Variants in CDKAL1 observed in about 807,000 individuals in gnomAD.
The protein encoded by CDKAL1 is CDKAL1 threonylcarbamoyladenosine tRNA methylthiotransferase, also known as threonylcarbamoyladenosine tRNA methylthiotransferase.
A neutral mutation model predicts 68.2 loss-of-function variants in CDKAL1; 32 were observed. The observed-to-expected ratio is 0.47, with a 90% CI of 0.35 to 0.63. The LOEUF (loss-of-function observed/expected upper bound fraction) is 0.63. Among genes scored for constraint, CDKAL1 ranks in the 30% least tolerant of loss-of-function variants. The probability of loss-of-function intolerance (pLI) is 0.00; values close to 1 mark genes in which losing one functional copy is unlikely to be tolerated. For synonymous variants in CDKAL1, 234 were observed against 244.3 expected (o/e 0.96, Z 0.39); for missense variants, 606 against 696.7 (o/e 0.87, Z 1.47).
At chr6:20,879,836 G>A (rs1312229077) in intron 9 of CDKAL1, among the ~76,000 whole-genome samples, 1 of 152,136 alleles carries the variant, frequency 6.6e-6, no homozygotes, top group Non-Finnish European at 1.5e-5. Flanking sequence ...TCCCAAACAG[G>A]AAGCTTACCA....
chr6:20,904,347 G>A (rs1762139919), intron 9 of CDKAL1, among the ~76,000 whole-genome samples: 1 of 151,996 alleles, frequency 6.6e-6, no homozygotes, highest in Non-Finnish European at 1.5e-5. Flanking sequence ...ACCAGCTTGG[G>A]CAACATAGCG....
chr6:20,783,015 C>G (rs1775498169), intron 8 of CDKAL1, among the ~76,000 whole-genome samples: 1 of 152,114 alleles, frequency 6.6e-6, no homozygotes, highest in South Asian at 2.1e-4. Context: ...ACTGCAACCT[C>G]TGCCTCCGGG....
chr6:21,170,339 T>G (rs13197595), intron 13 of CDKAL1, among the ~76,000 whole-genome samples: 1,811 of 152,210 alleles, frequency 0.012, 16 homozygotes, highest in Non-Finnish European at 0.017. Context: ...TTGGTTGGTT[T>G]GTTGGTTTGT....
At chr6:20,871,353 C>A (rs1371428533) in intron 9 of CDKAL1, among the ~76,000 whole-genome samples, 3 of 152,074 alleles carry the variant, frequency 2.0e-5, no homozygotes, top group Non-Finnish European at 4.4e-5. Flanking sequence ...ATATGATATG[C>A]AAATTTTTAT....
chr6:20,991,572 T>C (rs1766803430), intron 10 of CDKAL1, among the ~76,000 whole-genome samples: 1 of 151,832 alleles, frequency 6.6e-6, no homozygotes, highest in African/African-American at 2.4e-5. Context: ...CCAGGCATGG[T>C]GGCGGGCGCC....
At chr6:20,631,034 G>A (rs185055340) in intron 4 of CDKAL1, among the ~76,000 whole-genome samples, 1 of 152,156 alleles carries the variant, frequency 6.6e-6, no homozygotes, top group Non-Finnish European at 1.5e-5. Context: ...TGATTTGTAG[G>A]CAAATTCCCT....
intron 9 of CDKAL1, among the ~76,000 whole-genome samples, chr6:20,917,329 C>T (rs1385191830): frequency 2.0e-5 from 3 of 152,032 alleles, no homozygotes; most frequent in Middle Eastern, 3.2e-3. Flanking sequence ...TAGTTTTATA[C>T]ACAGTGAGAC....
chr6:20,672,708 A>G (rs561583637), intron 5 of CDKAL1, among the ~76,000 whole-genome samples: 3 of 152,082 alleles, frequency 2.0e-5, no homozygotes, highest in African/African-American at 7.2e-5. Context: ...GAATTTTTTC[A>G]AATTAACTTT....
intron 5 of CDKAL1, among the ~76,000 whole-genome samples, chr6:20,668,836 G>A (rs1370768474): frequency 6.6e-6 from 1 of 152,036 alleles, no homozygotes; most frequent in African/African-American, 2.4e-5. Flanking sequence ...CTTCTTTTAT[G>A]ACATTGACGC....
At chr6:20,666,688 C>CTT (rs35042364) in intron 5 of CDKAL1, among the ~76,000 whole-genome samples, 5,909 of 135,740 alleles carry the variant, frequency 0.044, 143 homozygotes, top group African/African-American at 0.064. Flanking sequence ...CCAAAGAATC[C>CTT]TTTTTTTTTT....
intron 14 of CDKAL1, among the ~76,000 whole-genome samples, chr6:21,198,507 G>A (rs766463344): frequency 2.0e-5 from 3 of 152,182 alleles, no homozygotes; most frequent in South Asian, 2.1e-4. Context: ...TACATCACCC[G>A]GACAGTTTTT....
intron 5 of CDKAL1, among the ~76,000 whole-genome samples, chr6:20,700,131 TACTA>T (rs750123113): frequency 3.2e-4 from 49 of 152,214 alleles, no homozygotes; most frequent in African/African-American, 8.2e-4. Context: ...ATATTTTATT[TACTA>T]ACTATCAAAA....
chr6:20,789,367 T>C (rs547359459), intron 8 of CDKAL1, among the ~76,000 whole-genome samples: 3 of 152,214 alleles, frequency 2.0e-5, no homozygotes, highest in Non-Finnish European at 4.4e-5. Context: ...GGCTCATACC[T>C]GCGAAGTAAT....
intron 4 of CDKAL1, among the ~76,000 whole-genome samples, chr6:20,629,627 G>C (rs9460535): frequency 0.48 from 73,265 of 151,850 alleles, 17,840 homozygotes; most frequent in East Asian, 0.64. Context: ...AGTGATACCT[G>C]CCTCACTCCA....
intron 11 of CDKAL1, among the ~76,000 whole-genome samples, chr6:21,019,309 C>G (rs540015752): frequency 6.6e-6 from 1 of 152,246 alleles, no homozygotes; most frequent in East Asian, 1.9e-4. Flanking sequence ...CTGATTTAGT[C>G]TGTCCTCACC....
At chr6:21,106,119 A>G (rs1317804721) in intron 12 of CDKAL1, among the ~76,000 whole-genome samples, 1 of 152,254 alleles carries the variant, frequency 6.6e-6, no homozygotes, top group Non-Finnish European at 1.5e-5. Context: ...CTGGACTTCC[A>G]TAATTTATTA....
At chr6:20,613,302 T>G (rs1244168918) in intron 4 of CDKAL1, among the ~76,000 whole-genome samples, 1 of 110,560 alleles carries the variant, frequency 9.0e-6, no homozygotes, top group African/African-American at 3.3e-5. Context: ...TGAGACGGAG[T>G]CTCGCTCTGT....
At chr6:20,921,261 T>G (rs1762942993) in intron 9 of CDKAL1, among the ~76,000 whole-genome samples, 1 of 152,134 alleles carries the variant, frequency 6.6e-6, no homozygotes, top group African/African-American at 2.4e-5. Context: ...TAACTCCATC[T>G]TTACTAAAAA....
intron 5 of CDKAL1, among the ~76,000 whole-genome samples, chr6:20,711,502 T>C (rs895167297): frequency 6.6e-6 from 1 of 152,178 alleles, no homozygotes; most frequent in African/African-American, 2.4e-5. Flanking sequence ...AATGATAATA[T>C]GGATGCTGGA....
Sources: allele counts gnomAD v4.1 joint callset (sites outside exome capture counted in the v4.1 genomes callset), GRCh38; gene constraint gnomAD v4.1.1; transcripts MANE v1.5; gene names NCBI Gene and HGNC (gene_info 2026-07-23, HGNC 2026-07-21).